Variants in HDAC9 observed in about 807,000 individuals in gnomAD.
HDAC9 encodes the protein MEF-2 interacting transcription repressor (MITR) protein.
HDAC9 carries 41 observed loss-of-function variants against 139.4 expected under a neutral mutation model. That is an observed-to-expected ratio of 0.29 (90% confidence interval 0.23 to 0.38). The LOEUF (loss-of-function observed/expected upper bound fraction) is 0.38. Ranked by LOEUF, HDAC9 falls within the 10% of genes least tolerant of loss-of-function variation. The pLI is 1.00. For missense variants in HDAC9, 1,147 were observed against 1,297.0 expected, an observed-to-expected ratio of 0.88 and a Z score of 1.78; for synonymous variants, 517 against 476.2, an observed-to-expected ratio of 1.09 and a Z score of -1.12.
chr7:18,644,877 A>C (rs1253584201), intron 9 of HDAC9, 84 bp downstream of exon 9: 25 of 1,395,736 alleles, frequency 1.8e-5, no homozygotes, highest in African/African-American at 2.9e-5. Context: ...TTATGTATTT[A>C]GACTTTAGAA....
At chr7:18,677,068 C>G (rs903123696) in intron 12 of HDAC9, among the ~76,000 whole-genome samples, 1 of 151,834 alleles carries the variant, frequency 6.6e-6, no homozygotes, top group African/African-American at 2.4e-5. Flanking sequence ...ATGCCACTAT[C>G]TAGATAGAGA....
At chr7:18,278,143 G>T (rs17138905) in intron 2 of HDAC9, among the ~76,000 whole-genome samples, 58,287 of 151,972 alleles carry the variant, frequency 0.38, 12,641 homozygotes, top group Admixed American at 0.51. Context: ...GGATATTTTG[G>T]TAAATTTTCC....
At chr7:18,524,507 G>A (rs180877507) in intron 2 of HDAC9, among the ~76,000 whole-genome samples, 38 of 152,280 alleles carry the variant, frequency 2.5e-4, no homozygotes, top group African/African-American at 7.7e-4. Context: ...CATACAACAT[G>A]TACAAAAGTT....
intron 1 of HDAC9, among the ~76,000 whole-genome samples, chr7:18,297,785 C>A (rs936571443): frequency 6.6e-6 from 1 of 152,288 alleles, no homozygotes; most frequent in East Asian, 1.9e-4. Flanking sequence ...GTTTCTAGGG[C>A]TGCCATTCTC....
At chr7:18,962,849 A>T (rs1438474223) in intron 24 of HDAC9, among the ~76,000 whole-genome samples, 1 of 152,168 alleles carries the variant, frequency 6.6e-6, no homozygotes, top group Non-Finnish European at 1.5e-5. Context: ...CATTTTGTTC[A>T]TGAATAACTT....
intron 2 of HDAC9, among the ~76,000 whole-genome samples, chr7:18,559,765 G>T (rs987798258): frequency 6.6e-6 from 1 of 152,144 alleles, no homozygotes; most frequent in African/African-American, 2.4e-5. Context: ...ACAGCTTTGG[G>T]AATATAACTT....
At chr7:18,498,028 T>C (rs1797384252) in intron 2 of HDAC9, among the ~76,000 whole-genome samples, 1 of 152,150 alleles carries the variant, frequency 6.6e-6, no homozygotes, top group African/African-American at 2.4e-5. Context: ...GGGAAGTGCT[T>C]CAGGCTGTCC....
intron 2 of HDAC9, among the ~76,000 whole-genome samples, chr7:18,510,276 G>C (rs1801088284): frequency 6.6e-6 from 1 of 152,138 alleles, no homozygotes; most frequent in African/African-American, 2.4e-5. Flanking sequence ...AATGAATAAT[G>C]AATGCCAATA....
chr7:18,946,036 C>CAAAAAAAAAAAAAAAAAAAA (rs1171055959), intron 23 of HDAC9, among the ~76,000 whole-genome samples: 3 of 38,260 alleles, frequency 7.8e-5, no homozygotes, highest in African/African-American at 2.2e-4. Flanking sequence ...GACTCCGTCT[C>CAAAAAAAAAAAAAAAAAAAA]AAAAAAAAAA....
intron 22 of HDAC9, among the ~76,000 whole-genome samples, chr7:18,893,640 G>A (rs773391247): frequency 1.4e-4 from 21 of 152,118 alleles, no homozygotes; most frequent in Non-Finnish European, 2.4e-4. Context: ...CATTTGCATC[G>A]TCACTGAAAG....
rs5882676 is a variant in HDAC9, at chr7:18,795,257, T to TA, written c.2322+1833dup. On this transcript the variant is annotated intron_variant, in intron 17 of 25. Transcript: ENST00000686413. ...ATGGTTTAAAAAGAAAAGAAAACAG[T>TA]AAAAAAAAAAAAAAAAAAAAAAAAA... is the stretch of plus-strand genomic sequence containing the variant. Among the ~76,000 whole-genome samples, 361 of 65,488 alleles carry TA rather than the reference T, an allele frequency of 5.5e-3. 4 individuals carry two copies. The highest frequency in any genetic ancestry group is 0.023 in the African/African-American group (328 of 14,484). The allele number at this position is 65,488 out of a possible 152,430, so 43.0% of individuals were successfully genotyped here.
chr7:18,609,356 T>G (rs1171705671), intron 6 of HDAC9, among the ~76,000 whole-genome samples: 1 of 152,332 alleles, frequency 6.6e-6, no homozygotes, highest in East Asian at 1.9e-4. Flanking sequence ...TTTTGTTAAC[T>G]AATTCATTTG....
chr7:18,756,926 G>A (rs1290420915), intron 14 of HDAC9, among the ~76,000 whole-genome samples: 3 of 151,494 alleles, frequency 2.0e-5, no homozygotes, highest in Non-Finnish European at 4.4e-5. Context: ...GTTATTACAC[G>A]AGGAGGGTTG....
chr7:18,214,606 T>G (rs1792169582), intron 2 of HDAC9, among the ~76,000 whole-genome samples: 1 of 152,086 alleles, frequency 6.6e-6, no homozygotes, highest in South Asian at 2.1e-4. Flanking sequence ...TTGAAGAAAT[T>G]GGTAAGCACT....
chr7:18,655,509 AG>A (rs1301407818), intron 11 of HDAC9, among the ~76,000 whole-genome samples: 4 of 152,182 alleles, frequency 2.6e-5, no homozygotes, highest in African/African-American at 9.6e-5. Context: ...ATAGAATACC[AG>A]CTTATATCAT....
intron 22 of HDAC9, among the ~76,000 whole-genome samples, chr7:18,890,385 A>G (rs1800572192): frequency 1.3e-5 from 2 of 152,222 alleles, no homozygotes; most frequent in African/African-American, 4.8e-5. Flanking sequence ...CCAAAAGTCT[A>G]CAATACACGA....
chr7:18,403,269 T>C (rs992609175), intron 1 of HDAC9, among the ~76,000 whole-genome samples: 1 of 152,158 alleles, frequency 6.6e-6, no homozygotes, highest in African/African-American at 2.4e-5. Context: ...ATCCAAGATA[T>C]AATAATGGAA....
chr7:18,308,715 G>A (rs1799095672), intron 1 of HDAC9, among the ~76,000 whole-genome samples: 1 of 152,144 alleles, frequency 6.6e-6, no homozygotes, highest in African/African-American at 2.4e-5. Context: ...ATATATATGT[G>A]TGTACGTGTG....
rs1165736906 is a variant in HDAC9 at position 18,496,209 on chromosome 7, TG to T, written c.-41-52del. ...ATGTTTCATGTAGCTGAAGTAAGAG[TG>T]ACTGGAATATGCTGCAGACAATTTA... is the stretch of plus-strand genomic sequence containing the variant. On this transcript the variant is annotated intron_variant, in intron 1 of 25. Transcript: ENST00000686413. The T allele has an allele frequency of 1.9e-6, 3 of 1,577,440 alleles. No individual in the cohort carries two copies. In the Admixed American group the frequency reaches 5.0e-5, roughly 27 times the overall value.
Sources: allele counts gnomAD v4.1 joint callset (sites outside exome capture counted in the v4.1 genomes callset), GRCh38; gene constraint gnomAD v4.1.1; transcripts MANE v1.5; gene names NCBI Gene and HGNC (gene_info 2026-07-23, HGNC 2026-07-21).